Variants in PGAP4 observed in about 807,000 individuals in gnomAD.
PGAP4 encodes post-GPI attachment to proteins GalNAc transferase 4, also known as GPI-N-acetylgalactosamine transferase PGAP4.
Under a neutral mutation model 28.2 loss-of-function variants are expected in PGAP4, and 12 were observed. The observed-to-expected ratio is 0.42, with a 90% CI of 0.27 to 0.69. PGAP4 has a LOEUF of 0.69. Ranked by LOEUF, PGAP4 falls within the 30% of genes least tolerant of loss-of-function variation. The pLI is 0.22. For missense variants in PGAP4, 425 were observed against 513.5 expected, an observed-to-expected ratio of 0.83 and a Z score of 1.67; for synonymous variants, 205 against 211.8, an observed-to-expected ratio of 0.97 and a Z score of 0.28.
intron 2 of PGAP4, among the ~76,000 whole-genome samples, chr9:101,514,352 A>G (rs1826924726): frequency 6.6e-6 from 1 of 152,178 alleles, no homozygotes; most frequent in Non-Finnish European, 1.5e-5. Flanking sequence ...AACTGATTAA[A>G]ATATTTTGCT....
intron 2 of PGAP4, among the ~76,000 whole-genome samples, chr9:101,524,121 G>A (rs532488059): frequency 5.4e-4 from 82 of 151,762 alleles, no homozygotes; most frequent in Admixed American, 4.6e-4. Flanking sequence ...GGACACTAGC[G>A]CCTTTTCTGG....
upstream of PGAP4, among the ~76,000 whole-genome samples, chr9:101,492,147 G>A (rs780906047): frequency 5.3e-5 from 8 of 151,354 alleles, no homozygotes; most frequent in South Asian, 4.1e-4. Context: ...GCACATATAC[G>A]TTTATGATTG....
At chr9:101,497,486 G>A (rs1317341997) in intron 2 of PGAP4, among the ~76,000 whole-genome samples, 5 of 151,404 alleles carry the variant, frequency 3.3e-5, no homozygotes, top group Non-Finnish European at 7.4e-5. Context: ...ATTACACAAA[G>A]GTCATTTTGT....
intron 2 of PGAP4, among the ~76,000 whole-genome samples, chr9:101,522,494 T>G (rs1000661896): frequency 2.6e-5 from 4 of 152,210 alleles, no homozygotes; most frequent in African/African-American, 9.7e-5. Context: ...TTAATTGCTG[T>G]TGCTTTAAAG....
chr9:101,524,596 T>C (rs1029560001), intron 2 of PGAP4, among the ~76,000 whole-genome samples: 11 of 152,180 alleles, frequency 7.2e-5, no homozygotes, highest in African/African-American at 2.4e-4. Flanking sequence ...TGGATCCCTG[T>C]GGTGCCAGCC....
chr9:101,527,435 G>T (rs1827045333), intron 2 of PGAP4, among the ~76,000 whole-genome samples: 1 of 152,034 alleles, frequency 6.6e-6, no homozygotes, highest in Non-Finnish European at 1.5e-5. Context: ...GTCAATACAT[G>T]TTTAAACTGA....
chr9:101,503,325 T>C (rs1826819667), intron 2 of PGAP4, among the ~76,000 whole-genome samples: 1 of 152,086 alleles, frequency 6.6e-6, no homozygotes, highest in African/African-American at 2.4e-5. Context: ...TCTTCCAGAC[T>C]TCTTTCGCTT....
intron 2 of PGAP4, among the ~76,000 whole-genome samples, chr9:101,497,168 T>G (rs570680368): frequency 1.3e-5 from 2 of 151,354 alleles, no homozygotes; most frequent in African/African-American, 4.8e-5. Flanking sequence ...TATCGATTAT[T>G]TAATTTAACA....
At chr9:101,530,622 G>T (rs1368849550) in intron 2 of PGAP4, among the ~76,000 whole-genome samples, 1 of 152,196 alleles carries the variant, frequency 6.6e-6, no homozygotes, top group Admixed American at 6.5e-5. Context: ...TGGCTGGTCA[G>T]AAATGAATGG....
chr9:101,519,604 CTTTAA>C (rs562047853), intron 2 of PGAP4, among the ~76,000 whole-genome samples: 158 of 151,010 alleles, frequency 1.0e-3, no homozygotes, highest in African/African-American at 3.3e-3. Flanking sequence ...TGCAAAAGCT[CTTTAA>C]TTTATTATTT....
chr9:101,510,276 G>C (rs1201487299), intron 2 of PGAP4, among the ~76,000 whole-genome samples: 1 of 152,020 alleles, frequency 6.6e-6, no homozygotes, highest in African/African-American at 2.4e-5. Flanking sequence ...AATAGTAAAG[G>C]GCTTCTTAGC....
Position 101,476,082 on chromosome 9 carries a change from C to T in PGAP4, c.1011G>A (p.Met337Ile), listed in dbSNP as rs1487651068. 6.2e-7 allele frequency: 1 copy of T among 1,614,144 alleles called. No individual in the cohort carries two copies. Among genetic ancestry groups the T allele is most frequent in the Non-Finnish European group, 8.5e-7 (1 of 1,180,028 alleles). ...VPASQCCTPA[M>I]LFPAPAARRT... Reference sequence around the variant, plus strand: ...GGCGGGCCGCAGGTGCCGGGAAGAGCATGGCTGGGGTGCAACACTGAGAGG... The same window carrying T: ...GGCGGGCCGCAGGTGCCGGGAAGAGTATGGCTGGGGTGCAACACTGAGAGG... Residue 337 changes from methionine to isoleucine, a missense_variant, in exon 2 of 2, where the codon ATG (methionine) becomes ATA (isoleucine). Coordinates refer to ENST00000374848, the MANE Select transcript of PGAP4 (RefSeq NM_032342.3). This position sits in a 1 kb window ranked among gnomAD's most constrained non-coding sequence, Gnocchi z 7.0.
intron 2 of PGAP4, among the ~76,000 whole-genome samples, chr9:101,495,387 A>ATATACTTATATTTTATATATAATATATAT (rs1564097742): frequency 7.6e-6 from 1 of 132,386 alleles, no homozygotes; most frequent in Admixed American, 8.1e-5. Context: ...TATATATTAT[A>ATATACTTATATTTTATATATAATATATAT]TGTGCTTATA....
intron 2 of PGAP4, among the ~76,000 whole-genome samples, chr9:101,502,280 G>A (rs1335190888): frequency 6.6e-6 from 1 of 152,086 alleles, no homozygotes; most frequent in Non-Finnish European, 1.5e-5. Flanking sequence ...TTTCATGTTT[G>A]AACTTGTTAA....
At chr9:101,523,479 C>G (rs1475527413) in intron 2 of PGAP4, among the ~76,000 whole-genome samples, 2 of 150,816 alleles carry the variant, frequency 1.3e-5, no homozygotes, top group Non-Finnish European at 2.9e-5. Context: ...CTTTCTTCTA[C>G]TTGGTTCAAT....
At chr9:101,525,862 C>T (rs914467069) in intron 2 of PGAP4, among the ~76,000 whole-genome samples, 36 of 151,904 alleles carry the variant, frequency 2.4e-4, no homozygotes, top group Admixed American at 6.6e-4. Flanking sequence ...ATTCTATATT[C>T]GAGGACATTT....
intron 2 of PGAP4, among the ~76,000 whole-genome samples, chr9:101,521,922 C>G: frequency 6.6e-6 from 1 of 151,888 alleles, no homozygotes; most frequent in South Asian, 2.1e-4. Flanking sequence ...CATTATTGTC[C>G]TTCATTTCAA....
At chr9:101,490,787 G>A (rs1206443109), upstream of PGAP4, among the ~76,000 whole-genome samples, 1 of 152,080 alleles carries the variant, frequency 6.6e-6, no homozygotes, top group Non-Finnish European at 1.5e-5. Context: ...GGATATGAGA[G>A]TTTCCAAACC....
intron 2 of PGAP4, among the ~76,000 whole-genome samples, chr9:101,505,843 C>A (rs1294221948): frequency 6.6e-6 from 1 of 152,040 alleles, no homozygotes; most frequent in East Asian, 1.9e-4. Context: ...CGTAAAAACA[C>A]AAAAGATAGG....
Sources: gnomAD v4.1 joint callset for allele counts (sites outside exome capture counted in the v4.1 genomes callset) on GRCh38, gnomAD v4.1.1 for gene constraint, Gnocchi (gnomAD v3.1) non-coding constraint, MANE v1.5 for transcripts, NCBI Gene and HGNC (gene_info 2026-07-23, HGNC 2026-07-21) for gene names.